The following KCNJ6 variants were observed in gnomAD, a reference collection of about 807,000 sequenced individuals.
KCNJ6 encodes the protein potassium inwardly rectifying channel subfamily J member 6, also known as G protein-activated inward rectifier potassium channel 2.
KCNJ6 carries 9 observed loss-of-function variants against 34.2 expected under a neutral mutation model. The observed-to-expected ratio is 0.26, with a 90% CI of 0.16 to 0.46. KCNJ6 has a LOEUF of 0.46. Ranked by LOEUF, KCNJ6 falls within the 20% of genes least tolerant of loss-of-function variation. KCNJ6 has a pLI of 1.00. For synonymous variants in KCNJ6, 196 were observed against 207.1 expected (o/e 0.95, Z 0.46); for missense variants, 236 against 531.3 (o/e 0.44, Z 5.46).
chr21:37,892,514 G>A (rs1032690520), intron 1 of KCNJ6, among the ~76,000 whole-genome samples: 1 of 152,318 alleles, frequency 6.6e-6, no homozygotes, highest in African/African-American at 2.4e-5. Context: ...CTCTGACTGG[G>A]TTGGGAAATT....
chr21:37,662,129 G>A (rs985164262), intron 3 of KCNJ6, among the ~76,000 whole-genome samples: 4 of 152,092 alleles, frequency 2.6e-5, no homozygotes, highest in African/African-American at 9.7e-5. Flanking sequence ...CAGGATACAT[G>A]TGCAGGATGT....
intron 3 of KCNJ6, among the ~76,000 whole-genome samples, chr21:37,692,247 A>G (rs2054643421): frequency 6.6e-6 from 1 of 152,194 alleles, no homozygotes; most frequent in Admixed American, 6.5e-5. Context: ...CAAAAAACGT[A>G]GAGTGGCAGA....
intron 1 of KCNJ6, among the ~76,000 whole-genome samples, chr21:37,883,839 G>C (rs1370201785): frequency 6.6e-6 from 1 of 152,154 alleles, no homozygotes; most frequent in East Asian, 1.9e-4. Context: ...TCCCTTGGTA[G>C]GTATAAACCT....
chr21:37,905,658 T>C (rs1364595363), intron 1 of KCNJ6, among the ~76,000 whole-genome samples: 1 of 152,232 alleles, frequency 6.6e-6, no homozygotes, highest in Non-Finnish European at 1.5e-5. Context: ...TCACTTAAAC[T>C]CTAGCACCAT....
At position 37,630,494 on chromosome 21, in the gene KCNJ6, G is replaced by A. The variant is rs2054329421; in HGVS notation, c.947-5010C>T. 3.3e-5 allele frequency among the ~76,000 whole-genome samples: 5 copies of A among 152,150 alleles called. No individual in the cohort carries two copies. In the South Asian group the frequency reaches 1.0e-3, roughly 32 times the overall value. On this transcript the variant is annotated intron_variant, in intron 3 of 3. Coordinates refer to ENST00000609713, the MANE Select transcript of KCNJ6 (RefSeq NM_002240.5). ...CAGCTTAATATTGTTCGTTGGCCAT[G>A]TCTGAATTTATTATTAAATAAAAAG... is the stretch of plus-strand genomic sequence containing the variant.
chr21:37,892,849 T>A (rs1018055820), intron 1 of KCNJ6, among the ~76,000 whole-genome samples: 1 of 148,434 alleles, frequency 6.7e-6, no homozygotes, highest in Non-Finnish European at 1.5e-5. Context: ...ATGGCTTCTT[T>A]CATAGTTTTT....
chr21:37,885,635 G>C (rs943326184), intron 1 of KCNJ6, among the ~76,000 whole-genome samples: 1 of 152,186 alleles, frequency 6.6e-6, no homozygotes, highest in Admixed American at 6.5e-5. Context: ...TCCCAGGAGG[G>C]GAGCACAGTC....
chr21:37,844,313 C>A (rs896713050), intron 1 of KCNJ6, among the ~76,000 whole-genome samples: 3 of 152,088 alleles, frequency 2.0e-5, no homozygotes, highest in African/African-American at 7.2e-5. Flanking sequence ...CCACCTTATC[C>A]TCCCAAAATG....
At chr21:37,909,645 T>C (rs1351102628) in intron 1 of KCNJ6, among the ~76,000 whole-genome samples, 1 of 152,168 alleles carries the variant, frequency 6.6e-6, no homozygotes, top group African/African-American at 2.4e-5. Flanking sequence ...GCTGGGATTA[T>C]AGGTGTAAGC....
chr21:37,761,166 GTGTGT>G (rs1406630600), intron 2 of KCNJ6, among the ~76,000 whole-genome samples: 5 of 150,634 alleles, frequency 3.3e-5, no homozygotes, highest in African/African-American at 1.2e-4. Flanking sequence ...TGTGCTGTAT[GTGTGT>G]TGTGTGTGCA....
intron 1 of KCNJ6, among the ~76,000 whole-genome samples, chr21:37,858,638 G>T (rs1272249256): frequency 6.6e-6 from 1 of 151,962 alleles, no homozygotes; most frequent in African/African-American, 2.4e-5. Flanking sequence ...CAAGACAATG[G>T]GATAAGATCT....
chr21:37,713,109 C>T (rs1323209470), intron 3 of KCNJ6, among the ~76,000 whole-genome samples: 2 of 152,062 alleles, frequency 1.3e-5, no homozygotes. Flanking sequence ...GTGACCTTGC[C>T]TGTTGGGTAC....
At chr21:37,893,333 A>G (rs2055771951) in intron 1 of KCNJ6, among the ~76,000 whole-genome samples, 1 of 151,566 alleles carries the variant, frequency 6.6e-6, no homozygotes, top group African/African-American at 2.4e-5. Flanking sequence ...TCAGCCTCCC[A>G]AGTAGCTGGG....
intron 1 of KCNJ6, among the ~76,000 whole-genome samples, chr21:37,909,390 CAG>C (rs2123652723): frequency 6.7e-6 from 1 of 148,566 alleles, no homozygotes; most frequent in South Asian, 2.1e-4. Context: ...TTTTTGGAGA[CAG>C]AGTCTCCCTC....
chr21:37,655,219 GTGTGTGAGAGAGAGAGAGAGAGA>G (rs2054455464), intron 3 of KCNJ6, among the ~76,000 whole-genome samples: 1 of 91,612 alleles, frequency 1.1e-5, no homozygotes, highest in African/African-American at 3.7e-5. Context: ...GTGTGTGTGT[GTGTGTGAGAGAGAGAGAGAGAGA>G]GAGAGAGAGA....
intron 1 of KCNJ6, among the ~76,000 whole-genome samples, chr21:37,894,846 G>C (rs2123638765): frequency 6.6e-6 from 1 of 152,284 alleles, no homozygotes; most frequent in African/African-American, 2.4e-5. Context: ...TTTTGTTAAT[G>C]TGAGAGTGAT....
chr21:37,899,410 G>C (rs541439752), intron 1 of KCNJ6, among the ~76,000 whole-genome samples: 1 of 152,090 alleles, frequency 6.6e-6, no homozygotes, highest in African/African-American at 2.4e-5. Flanking sequence ...TCCTCTTCTC[G>C]TTCTCTCTCA....
intron 1 of KCNJ6, among the ~76,000 whole-genome samples, chr21:37,851,752 T>C (rs1011532662): frequency 1.1e-4 from 16 of 152,032 alleles, no homozygotes; most frequent in Non-Finnish European, 2.2e-4. Flanking sequence ...ATTTTTTTTT[T>C]CCTATTCCTC....
chr21:37,761,361 T>C (rs1434252075), intron 2 of KCNJ6, among the ~76,000 whole-genome samples: 1 of 151,496 alleles, frequency 6.6e-6, no homozygotes, highest in Non-Finnish European at 1.5e-5. Flanking sequence ...TTGTATGTAG[T>C]GTGTGTGTAT....
Sources: gnomAD v4.1 joint callset for allele counts (sites outside exome capture counted in the v4.1 genomes callset) on GRCh38, gnomAD v4.1.1 for gene constraint, MANE v1.5 for transcripts, NCBI Gene and HGNC (gene_info 2026-07-23, HGNC 2026-07-21) for gene names.